RGS7: variants seen among roughly 807,000 people sequenced by gnomAD.
RGS7 encodes the protein regulator of G-protein signaling 7.
In RGS7, 27 loss-of-function variants were observed where a neutral mutation model predicts 81.1. The observed-to-expected ratio is 0.33, with a 90% confidence interval of 0.25 to 0.46. The LOEUF (loss-of-function observed/expected upper bound fraction) is 0.46. Among genes scored for constraint, RGS7 ranks in the 20% least tolerant of loss-of-function variants. The probability of loss-of-function intolerance (pLI) is 1.00; values close to 1 mark genes in which losing one functional copy is unlikely to be tolerated. For synonymous variants in RGS7, 208 were observed against 207.7 expected (o/e 1.00, Z -0.01); for missense variants, 396 against 607.4 (o/e 0.65, Z 3.66).
At chr1:241,343,338 T>C (rs2082691337) in intron 2 of RGS7, among the ~76,000 whole-genome samples, 1 of 151,958 alleles carries the variant, frequency 6.6e-6, no homozygotes, top group Non-Finnish European at 1.5e-5. Flanking sequence ...CCAAAAGAAC[T>C]GACAGCAGAG....
At chr1:241,231,871 T>G (rs2075680919) in intron 2 of RGS7, among the ~76,000 whole-genome samples, 1 of 152,230 alleles carries the variant, frequency 6.6e-6, no homozygotes, top group African/African-American at 2.4e-5. Flanking sequence ...GATTGTGGTT[T>G]TGGTGTTACA....
At chr1:241,310,665 G>A (rs1329850854) in intron 2 of RGS7, among the ~76,000 whole-genome samples, 1 of 151,970 alleles carries the variant, frequency 6.6e-6, no homozygotes, top group Non-Finnish European at 1.5e-5. Context: ...GACTGCCCAT[G>A]TAAAGGAGCT....
chr1:240,925,889 A>C (rs1327358076), intron 6 of RGS7, among the ~76,000 whole-genome samples: 1 of 151,994 alleles, frequency 6.6e-6, no homozygotes, highest in Non-Finnish European at 1.5e-5. Flanking sequence ...AATGTTGAGC[A>C]TTTTCTTGTA....
chr1:241,284,902 CCTCT>C (rs745589080), intron 2 of RGS7, among the ~76,000 whole-genome samples: 5 of 151,654 alleles, frequency 3.3e-5, no homozygotes, highest in Admixed American at 6.6e-5. Context: ...ATGGAGTCTC[CCTCT>C]GTCGCCCAGG....
intron 4 of RGS7, among the ~76,000 whole-genome samples, chr1:240,953,360 A>C (rs1679867886): frequency 6.6e-6 from 1 of 151,984 alleles, no homozygotes; most frequent in Non-Finnish European, 1.5e-5. Context: ...ATAGATCTTA[A>C]ATCTAAAAGA....
Position 241,278,443 on chromosome 1 carries a change from A to C in RGS7, c.78+77256T>G, listed in dbSNP as rs534447683. 8.1e-4 allele frequency among the ~76,000 whole-genome samples: 123 copies of C among 152,098 alleles called. 1 individual carries two copies. Among genetic ancestry groups the C allele is most frequent in the African/African-American group, 2.9e-3 (122 of 41,490 alleles). On this transcript the variant is annotated intron_variant, in intron 2 of 18. Coordinates refer to ENST00000440928, the MANE Select transcript of RGS7 (RefSeq NM_001364886.1). The stretch of plus-strand genomic sequence containing the variant: ...TTCTTTGTTCTCCTCACCCTACCCC[A>C]CCACTCAATTTATCACTTGTCTTTG...
chr1:240,932,523 T>TTTTTTTTA (rs1025500121), intron 5 of RGS7, among the ~76,000 whole-genome samples: 2 of 150,114 alleles, frequency 1.3e-5, no homozygotes, highest in Non-Finnish European at 3.0e-5. Flanking sequence ...CTTTTTTTTT[T>TTTTTTTTA]TTTGAGACAG....
intron 18 of RGS7, among the ~76,000 whole-genome samples, chr1:240,780,319 C>T (rs1683763360): frequency 6.6e-6 from 1 of 150,924 alleles, no homozygotes; most frequent in Non-Finnish European, 1.5e-5. Flanking sequence ...TGGCGGGGCA[C>T]ACCTGTAGTC....
In RGS7 at chr1:240,976,868, C is replaced by CAACT. The variant is rs10661352; in HGVS notation, c.226+6210_226+6211insAGTT. Among the ~76,000 whole-genome samples the CAACT allele has an allele frequency of 1.1e-3, 170 of 150,846 alleles. 1 individual carries two copies. The highest frequency in any genetic ancestry group is 8.4e-4 in the South Asian group (4 of 4,774). ...TATCATCTATCTATCTACCATCCAT[C>CAACT]ATCTATCTGTCTATCTCTTTATCAT... On this transcript the variant is annotated intron_variant, in intron 4 of 18. Coordinates refer to ENST00000440928, the MANE Select transcript of RGS7 (RefSeq NM_001364886.1).
chr1:241,340,956 C>T (rs779094996), intron 2 of RGS7, among the ~76,000 whole-genome samples: 3 of 152,184 alleles, frequency 2.0e-5, no homozygotes, highest in African/African-American at 4.8e-5. Context: ...CAGGATGGGA[C>T]TGCCAGGGAA....
Position 241,221,006 on chromosome 1 carries a change from A to AAAGG in RGS7, c.79-122248_79-122245dup, listed in dbSNP as rs58113561. On this transcript the variant is annotated intron_variant, in intron 2 of 18. Transcript: ENST00000440928. ...GGAAGGAAGGAAGGAAGAGAGAGAG[A>AAAGG]AAGGAAGGAAGGAAGGAAGGAAGGA... Among the ~76,000 whole-genome samples the AAAGG allele has an allele frequency of 7.6e-3, 643 of 84,600 alleles. 14 individuals carry two copies. Among genetic ancestry groups the AAAGG allele is most frequent in the African/African-American group, 0.021 (529 of 24,982 alleles). The allele number at this position is 84,600 out of a possible 152,430, so 55.5% of individuals were successfully genotyped here.
chr1:241,212,649 C>T (rs975795293), intron 2 of RGS7, among the ~76,000 whole-genome samples: 1 of 152,184 alleles, frequency 6.6e-6, no homozygotes, highest in Non-Finnish European at 1.5e-5. Flanking sequence ...CCTTGGATAT[C>T]ATTCAGACCC....
intron 2 of RGS7, among the ~76,000 whole-genome samples, chr1:241,230,772 G>C (rs375361555): frequency 6.6e-6 from 1 of 152,178 alleles, no homozygotes; most frequent in Non-Finnish European, 1.5e-5. Context: ...TGCAGTCTTA[G>C]GTGTGCTTGT....
intron 9 of RGS7, among the ~76,000 whole-genome samples, chr1:240,860,550 T>C (rs1662013595): frequency 6.6e-6 from 1 of 152,120 alleles, no homozygotes; most frequent in South Asian, 2.1e-4. Flanking sequence ...ACTGTTAACA[T>C]TTAACTTCAT....
chr1:241,130,225 C>G (rs1000162069), intron 2 of RGS7, among the ~76,000 whole-genome samples: 1 of 152,052 alleles, frequency 6.6e-6, no homozygotes, highest in Non-Finnish European at 1.5e-5. Context: ...AGCAAGAACC[C>G]ACTTGGTAAC....
At chr1:240,874,165 A>G (rs553279776) in intron 6 of RGS7, among the ~76,000 whole-genome samples, 1 of 152,340 alleles carries the variant, frequency 6.6e-6, no homozygotes, top group South Asian at 2.1e-4. Flanking sequence ...ATCAGTTGGC[A>G]CTTTAATCCT....
intron 4 of RGS7, among the ~76,000 whole-genome samples, chr1:240,966,024 C>T (rs1353078338): frequency 2.6e-5 from 4 of 152,036 alleles, no homozygotes; most frequent in South Asian, 2.1e-4. Flanking sequence ...GTCGTATACC[C>T]GACTGAGCAG....
chr1:240,938,075 T>C (rs1446936206), intron 4 of RGS7, among the ~76,000 whole-genome samples: 1 of 152,178 alleles, frequency 6.6e-6, no homozygotes, highest in Non-Finnish European at 1.5e-5. Flanking sequence ...AAAATAGTTT[T>C]CTACCCCAAC....
At chr1:241,317,500 C>A (rs2148589400) in intron 2 of RGS7, among the ~76,000 whole-genome samples, 1 of 152,226 alleles carries the variant, frequency 6.6e-6, no homozygotes, top group Middle Eastern at 3.4e-3. Context: ...TCTTACGTCT[C>A]CCTATGTGCA....
Sources: allele counts gnomAD v4.1 joint callset (sites outside exome capture counted in the v4.1 genomes callset), GRCh38; gene constraint gnomAD v4.1.1; transcripts MANE v1.5; gene names NCBI Gene and HGNC (gene_info 2026-07-23, HGNC 2026-07-21).